The following LAMC1 variants were observed in gnomAD, a reference collection of about 807,000 sequenced individuals.
LAMC1 encodes the protein laminin subunit gamma-1.
Under a neutral mutation model 173.6 loss-of-function variants are expected in LAMC1, and 38 were observed. That is an observed-to-expected ratio of 0.22 (90% CI 0.17 to 0.29). LAMC1 has a LOEUF of 0.29. Ranked by LOEUF, LAMC1 falls within the 10% of genes least tolerant of loss-of-function variation. LAMC1 has a pLI of 1.00. For missense variants in LAMC1, 1,824 were observed against 2,051.8 expected, an observed-to-expected ratio of 0.89 and a Z score of 2.14; for synonymous variants, 746 against 749.1, an observed-to-expected ratio of 1.00 and a Z score of 0.07.
chr1:183,121,976 A>G (rs960438784), intron 12 of LAMC1, 32 bp downstream of exon 12: 3 of 1,609,726 alleles, frequency 1.9e-6, no homozygotes, highest in African/African-American at 1.3e-5. Flanking sequence ...CTTAGACCTA[A>G]CTTCTCTTTA....
intron 19 of LAMC1, among the ~76,000 whole-genome samples, chr1:183,131,081 G>A (rs753051839): frequency 8.7e-5 from 13 of 149,706 alleles, no homozygotes; most frequent in Non-Finnish European, 1.5e-4. Context: ...GGCTAAGGCA[G>A]GAGAACCACT....
intron 1 of LAMC1, among the ~76,000 whole-genome samples, chr1:183,079,885 C>A (rs781305705): frequency 6.6e-6 from 1 of 152,122 alleles, no homozygotes. Flanking sequence ...TTACTGTAGT[C>A]GTTTTACAGT....
chr1:183,127,754 C>T (rs1270308143), intron 17 of LAMC1, among the ~76,000 whole-genome samples: 1 of 152,004 alleles, frequency 6.6e-6, no homozygotes, highest in Non-Finnish European at 1.5e-5. Flanking sequence ...TATACAGAGG[C>T]CTGAAAGCTG....
chr1:183,096,966 C>A (rs910369703), intron 1 of LAMC1, among the ~76,000 whole-genome samples: 1 of 152,102 alleles, frequency 6.6e-6, no homozygotes, highest in East Asian at 1.9e-4. Flanking sequence ...TGGTATATTC[C>A]TTATGTGCTT....
intron 1 of LAMC1, among the ~76,000 whole-genome samples, chr1:183,036,545 G>C (rs1229923291): frequency 6.6e-6 from 1 of 151,666 alleles, no homozygotes; most frequent in African/African-American, 2.4e-5. Flanking sequence ...TGCGATTACA[G>C]GCATGTGCCA....
chr1:183,112,162 C>G (rs1465067013), intron 4 of LAMC1, among the ~76,000 whole-genome samples: 1 of 152,118 alleles, frequency 6.6e-6, no homozygotes, highest in Non-Finnish European at 1.5e-5. Context: ...TTCAACAAAT[C>G]CTAAGATTTG....
At chr1:183,024,169 C>T (rs190406500) in intron 1 of LAMC1, 35 bp downstream of exon 1, 3 of 1,505,018 alleles carry the variant, frequency 2.0e-6, no homozygotes, top group East Asian at 2.5e-5. Context: ...TGCTACTGCT[C>T]GCCAGCAGCC....
intron 1 of LAMC1, among the ~76,000 whole-genome samples, chr1:183,079,448 G>A (rs746406235): frequency 2.0e-5 from 3 of 151,516 alleles, no homozygotes; most frequent in Non-Finnish European, 4.4e-5. Flanking sequence ...TAGAGACGGG[G>A]TTTCACTATG....
chr1:183,122,086 A>G lies in LAMC1; in HGVS notation c.2236A>G (p.Thr746Ala). The G allele has an allele frequency of 6.2e-7, 1 of 1,614,046 alleles. No individual in the cohort carries two copies. Among genetic ancestry groups the G allele is most frequent in the Non-Finnish European group, 8.5e-7 (1 of 1,179,950 alleles). ...ETGVCNCRDN[T>A]AGPHCEKCSD... Reference sequence around the variant, plus strand: ...AGGTGTTTGTAACTGCAGAGACAATACGGCTGGCCCGCACTGTGAGAAGTG... The same window carrying G: ...AGGTGTTTGTAACTGCAGAGACAATGCGGCTGGCCCGCACTGTGAGAAGTG... The change falls in exon 13 of 28, where the codon ACG (threonine) becomes GCG (alanine). Residue 746 changes from threonine (T) to alanine (A), a missense_variant. Thr to Ala is a moderately conservative substitution (Grantham distance 58, BLOSUM62 0). Transcript: ENST00000258341.
chr1:183,124,958 T>C (rs561006077), intron 14 of LAMC1, 82 bp downstream of exon 14: 280 of 1,508,018 alleles, frequency 1.9e-4, no homozygotes, highest in Middle Eastern at 4.3e-4. Flanking sequence ...AAAATATGTA[T>C]AGTTGTTTAG....
chr1:183,137,606 G>T, intron 25 of LAMC1, 63 bp from the exon 26 acceptor site: 1 of 1,015,788 alleles, frequency 9.8e-7, no homozygotes, highest in Non-Finnish European at 1.4e-6. Context: ...TAAAAGGAGC[G>T]GGAGCATACT....
At position 183,131,395 on chromosome 1, in the gene LAMC1, T is replaced by C. The variant is rs1049977599; in HGVS notation, c.3566+17T>C. 3 of 1,587,602 alleles carry C rather than the reference T, an allele frequency of 1.9e-6. No homozygotes were observed. Among genetic ancestry groups the C allele is most frequent in the African/African-American group, 1.4e-5 (1 of 74,002 alleles). ...TGCTGAACGGTAACTTCTAGATCCC[T>C]GTTTAATGGTTAAGTTGTGGCTTCT... On this transcript the variant is annotated intron_variant, in intron 20 of 27. Coordinates refer to ENST00000258341, the MANE Select transcript of LAMC1 (RefSeq NM_002293.4).
chr1:183,046,911 A>G (rs1654281056), intron 1 of LAMC1, among the ~76,000 whole-genome samples: 1 of 152,128 alleles, frequency 6.6e-6, no homozygotes, highest in African/African-American at 2.4e-5. Context: ...TATCTCTTTT[A>G]TAATTATGAA....
In LAMC1 at chr1:183,137,665, C is replaced by A; in HGVS notation, c.4315-4C>A. On this transcript the variant is annotated splice_polypyrimidine_tract_variant and splice_region_variant and intron_variant, in intron 25 of 27. Transcript: ENST00000258341. ...AAAAAAGTACAATTTTCTTTTGTGC[C>A]TAGAATGCCACCAGCACCAAGGCAG... The A allele has an allele frequency of 1.3e-6, 2 of 1,557,624 alleles. No individual in the cohort carries two copies. The highest frequency in any genetic ancestry group is 1.7e-6 in the Non-Finnish European group (2 of 1,154,356).
At chr1:183,048,816 A>C (rs995372028) in intron 1 of LAMC1, among the ~76,000 whole-genome samples, 1 of 152,116 alleles carries the variant, frequency 6.6e-6, no homozygotes, top group African/African-American at 2.4e-5. Flanking sequence ...GTGTCTTTTA[A>C]ATAGTCTTCT....
Position 183,130,423 on chromosome 1 carries a change from C to G in LAMC1, c.3360C>G (p.Ile1120Met). 1 of 1,614,136 alleles carries G rather than the reference C, an allele frequency of 6.2e-7. No homozygotes were observed. The highest frequency in any genetic ancestry group is 8.5e-7 in the Non-Finnish European group (1 of 1,179,972). Residue 1120 changes from isoleucine (I) to methionine (M), a missense_variant, in exon 19 of 28, where the codon ATC becomes ATG. Ile to Met is a conservative substitution (Grantham distance 10, BLOSUM62 1). Coordinates refer to ENST00000258341, the MANE Select transcript of LAMC1 (RefSeq NM_002293.4). ...GCCAAATTAGCCGTTTACAGAATAT[C>G]CGGAATACCATTGAAGAGACTGGAA... ...LSSQISRLQN[I>M]RNTIEETGNL...
At position 183,125,442 on chromosome 1, in the gene LAMC1, G is replaced by A. The variant is rs1234243994; in HGVS notation, c.2693G>A (p.Cys898Tyr). 2 of 1,614,002 alleles carry A rather than the reference G, an allele frequency of 1.2e-6. No homozygotes were observed. Among genetic ancestry groups the A allele is most frequent in the African/African-American group, 2.7e-5 (2 of 74,930 alleles). The change falls in exon 15 of 28, where the codon TGT (cysteine) becomes TAT (tyrosine). Residue 898 changes from cysteine to tyrosine, a missense_variant. Cys to Tyr is a radical substitution (Grantham distance 194). Transcript: ENST00000258341. ...LYGTMKQQSS[C>Y]NPVTGQCECL... ...GGGACCATGAAGCAGCAGAGCAGCTGTAACCCCGTGACGGGGCAGTGTGAA... is the reference window on the plus strand; with the variant it reads ...GGGACCATGAAGCAGCAGAGCAGCTATAACCCCGTGACGGGGCAGTGTGAA...
chr1:183,081,025 A>G (rs900460133), intron 1 of LAMC1, among the ~76,000 whole-genome samples: 4 of 151,976 alleles, frequency 2.6e-5, no homozygotes, highest in Non-Finnish European at 4.4e-5. Flanking sequence ...AGTAGCTGGG[A>G]CTACAGGTGC....
Position 183,049,288 on chromosome 1 carries a change from T to C in LAMC1, c.418+25154T>C, listed in dbSNP as rs550147859. On this transcript the variant is annotated intron_variant, in intron 1 of 27. Coordinates refer to ENST00000258341, the MANE Select transcript of LAMC1 (RefSeq NM_002293.4). ...AAATGGAAAGACTTTAATACTGGTC[T>C]GATTGTAATTACAGTATTAGAATAA... Among the ~76,000 whole-genome samples, 11 of 152,336 alleles carry C rather than the reference T, an allele frequency of 7.2e-5. No individual in the cohort carries two copies. The East Asian group carries it at 1.9e-3, about 27-fold the overall frequency.
Sources: allele counts gnomAD v4.1 joint callset (sites outside exome capture counted in the v4.1 genomes callset), GRCh38; gene constraint gnomAD v4.1.1; transcripts MANE v1.5; gene names NCBI Gene and HGNC (gene_info 2026-07-23, HGNC 2026-07-21).